Variants in CPAMD8 observed in about 807,000 individuals in gnomAD.
CPAMD8 encodes C3 and PZP-like alpha-2-macroglobulin domain-containing protein 8.
A neutral mutation model predicts 224.7 loss-of-function variants in CPAMD8; 146 were observed. That is an observed-to-expected ratio of 0.65 (90% CI 0.57 to 0.75). The LOEUF (loss-of-function observed/expected upper bound fraction) is 0.75, where lower values mean the gene tolerates loss of function less well. CPAMD8 is among the 30% of genes least tolerant of loss of function. CPAMD8 has a pLI of 0.00. For synonymous variants in CPAMD8, 966 were observed against 1,044.6 expected (o/e 0.92, Z 1.45); for missense variants, 2,301 against 2,537.5 (o/e 0.91, Z 2.00).
At chr19:16,909,038 G>A (rs2052626420) in intron 29 of CPAMD8, among the ~76,000 whole-genome samples, 1 of 152,182 alleles carries the variant, frequency 6.6e-6, no homozygotes, top group Non-Finnish European at 1.5e-5. Context: ...GGAACTCCAA[G>A]GGGTCAAGGT....
intron 41 of CPAMD8, 50 bp from the exon 42 acceptor site, chr19:16,893,389 G>T: frequency 7.7e-7 from 1 of 1,299,368 alleles, no homozygotes; most frequent in Non-Finnish European, 1.0e-6. Flanking sequence ...AGTGGGCACG[G>T]GGCCTCGGGC....
chr19:16,979,824 T>C (rs1364645333), intron 14 of CPAMD8, among the ~76,000 whole-genome samples: 1 of 152,166 alleles, frequency 6.6e-6, no homozygotes, highest in Non-Finnish European at 1.5e-5. Flanking sequence ...CCTGCCTATC[T>C]ATCTATCCAC....
intron 21 of CPAMD8, 135 bp downstream of exon 21, chr19:16,946,939 G>T: frequency 1.2e-6 from 1 of 843,980 alleles, no homozygotes. Flanking sequence ...TGCCCCAGTT[G>T]CTGTCCCATT....
At chr19:16,911,293 C>T (rs1015929045) in intron 29 of CPAMD8, among the ~76,000 whole-genome samples, 4 of 152,114 alleles carry the variant, frequency 2.6e-5, no homozygotes, top group Admixed American at 2.0e-4. Flanking sequence ...ATTAGATTCT[C>T]GTGGGAGCAT....
chr19:16,898,674 C>T lies in CPAMD8; in HGVS notation c.4849-680G>A, dbSNP rs1046964592. 2.0e-5 allele frequency among the ~76,000 whole-genome samples: 3 copies of T among 152,134 alleles called. No individual in the cohort carries two copies. Among genetic ancestry groups the T allele is most frequent in the Non-Finnish European group, 4.4e-5 (3 of 68,014 alleles). On this transcript the variant is annotated intron_variant, in intron 37 of 41. Coordinates refer to ENST00000443236, the MANE Select transcript of CPAMD8 (RefSeq NM_015692.5). This position sits in a 1 kb window ranked among gnomAD's most constrained non-coding sequence, Gnocchi z 4.2. ...ACTCTACGGATTTGCCTGTTCTGGGCATTTCATGTCAATGGAATCATGTAC... is the reference window on the plus strand; with the variant it reads ...ACTCTACGGATTTGCCTGTTCTGGGTATTTCATGTCAATGGAATCATGTAC...
At chr19:16,962,779 G>A (rs2054699557) in intron 18 of CPAMD8, among the ~76,000 whole-genome samples, 1 of 151,458 alleles carries the variant, frequency 6.6e-6, no homozygotes, top group Admixed American at 6.7e-5. Flanking sequence ...AAAATGTTAA[G>A]AGCAGCCAGA....
intron 23 of CPAMD8, among the ~76,000 whole-genome samples, chr19:16,935,402 T>C (rs2053654950): frequency 6.6e-6 from 1 of 152,094 alleles, no homozygotes; most frequent in Non-Finnish European, 1.5e-5. Context: ...TATAACCATA[T>C]CCATCCCCTA....
intron 13 of CPAMD8, among the ~76,000 whole-genome samples, chr19:16,985,030 T>C (rs901082843): frequency 2.0e-5 from 3 of 152,306 alleles, no homozygotes; most frequent in Admixed American, 2.0e-4. Flanking sequence ...TTAGACAATA[T>C]AATTTGGTGA....
At position 16,965,700 on chromosome 19, in the gene CPAMD8, A is replaced by G. The variant is rs536583960; in HGVS notation, c.2213+5191T>C. ...ACAAAAATCCTATACACCAATTAACAGACAAACAGAGAGCCAAATCATGAG... is the reference window on the plus strand; with the variant it reads ...ACAAAAATCCTATACACCAATTAACGGACAAACAGAGAGCCAAATCATGAG... On this transcript the variant is annotated intron_variant, in intron 18 of 41. Transcript: ENST00000443236. Among the ~76,000 whole-genome samples, 5 of 152,322 alleles carry G rather than the reference A, an allele frequency of 3.3e-5. No homozygotes were observed. The East Asian group carries it at 9.6e-4, about 29-fold the overall frequency.
intron 18 of CPAMD8, among the ~76,000 whole-genome samples, chr19:16,969,163 C>T (rs1358153407): frequency 6.6e-6 from 1 of 152,180 alleles, no homozygotes; most frequent in Admixed American, 6.5e-5. Flanking sequence ...TCAGACAGGT[C>T]AGCTCTCCTG....
chr19:17,023,705 C>T lies in CPAMD8; in HGVS notation c.93-1524G>A, dbSNP rs2057013457. ...CAAGGGATTCTTCTGCCTCAGCCTC[C>T]AGAGTAGCTGGGACTACAGGCGTGC... On this transcript the variant is annotated intron_variant, in intron 1 of 41. Transcript: ENST00000443236. Among the ~76,000 whole-genome samples, 3 of 152,106 alleles carry T rather than the reference C, an allele frequency of 2.0e-5. No individual in the cohort carries two copies. In the South Asian group the frequency reaches 6.2e-4, roughly 31 times the overall value.
intron 3 of CPAMD8, among the ~76,000 whole-genome samples, chr19:17,017,253 T>C (rs1295454788): frequency 6.6e-6 from 1 of 152,210 alleles, no homozygotes; most frequent in Non-Finnish European, 1.5e-5. Flanking sequence ...GACCATCTAG[T>C]TGAAGGAAAA....
intron 23 of CPAMD8, 130 bp downstream of exon 23, chr19:16,938,265 C>T (rs2053764150): frequency 1.8e-6 from 1 of 547,892 alleles, no homozygotes; most frequent in Admixed American, 4.1e-5. Context: ...CCACAGTGCC[C>T]CCTTCCCAGG....
intron 2 of CPAMD8, 44 bp from the exon 3 acceptor site, chr19:17,020,397 G>A (rs1055017038): frequency 4.2e-6 from 6 of 1,429,776 alleles, no homozygotes; most frequent in South Asian, 1.2e-5. Context: ...CAAGAGCTGT[G>A]TTGCCCTGCC....
rs2054424007 is a variant in CPAMD8 at position 16,955,060 on chromosome 19, A to C, written c.2276+2793T>G. 2.0e-5 allele frequency among the ~76,000 whole-genome samples: 3 copies of C among 152,120 alleles called. No individual in the cohort carries two copies. In the East Asian group the frequency reaches 5.8e-4, roughly 29 times the overall value. ...GGAGAATGGCGTGAACCCAGGAGGC[A>C]GAGTTTGCAGTGAGCCGAGATCGCA... On this transcript the variant is annotated intron_variant, in intron 19 of 41. Transcript: ENST00000443236.
intron 41 of CPAMD8, 107 bp downstream of exon 41, chr19:16,896,064 TCGGGG>T: frequency 8.6e-7 from 1 of 1,168,798 alleles, no homozygotes; most frequent in Non-Finnish European, 1.2e-6. Flanking sequence ...CAGTGGGGGG[TCGGGG>T]CGGGGCGGAG....
chr19:16,904,956 T>A (rs2052412192), intron 30 of CPAMD8, among the ~76,000 whole-genome samples: 1 of 152,212 alleles, frequency 6.6e-6, no homozygotes, highest in Non-Finnish European at 1.5e-5. Context: ...GCTCAAAGAT[T>A]CTGGCCAGGC....
chr19:16,934,110 A>T (rs2053620115), intron 23 of CPAMD8, among the ~76,000 whole-genome samples: 1 of 152,194 alleles, frequency 6.6e-6, no homozygotes, highest in African/African-American at 2.4e-5. Context: ...TTTATATAAC[A>T]TTCTGGAAAA....
At chr19:17,001,950 G>A (rs979430553) in intron 9 of CPAMD8, among the ~76,000 whole-genome samples, 1 of 151,752 alleles carries the variant, frequency 6.6e-6, no homozygotes, top group Non-Finnish European at 1.5e-5. Flanking sequence ...GAGCCCAGCA[G>A]GGAGGGAGAT....
Sources: gnomAD v4.1 joint callset for allele counts (sites outside exome capture counted in the v4.1 genomes callset) on GRCh38, gnomAD v4.1.1 for gene constraint, Gnocchi (gnomAD v3.1) non-coding constraint, MANE v1.5 for transcripts, NCBI Gene and HGNC (gene_info 2026-07-23, HGNC 2026-07-21) for gene names.